NAA40: variants seen among roughly 807,000 people sequenced by gnomAD.
NAA40 encodes the protein N-alpha-acetyltransferase 40.
In NAA40, 26 loss-of-function variants were observed where a neutral mutation model predicts 36.6. The ratio of observed to expected loss-of-function variants is 0.71; its 90% CI spans 0.52 to 0.98. NAA40 has a LOEUF of 0.98. Among genes scored for constraint, NAA40 ranks in the 50% least tolerant of loss-of-function variants. The probability of loss-of-function intolerance (pLI) is 0.00; values close to 1 mark genes in which losing one functional copy is unlikely to be tolerated. For synonymous variants in NAA40, 129 were observed against 108.4 expected (o/e 1.19, Z -1.18); for missense variants, 237 against 306.5 (o/e 0.77, Z 1.69).
rs543980669 is a variant in NAA40 at position 63,944,678 on chromosome 11, G to A, written c.7-1162G>A. Among the ~76,000 whole-genome samples the A allele has an allele frequency of 6.0e-4, 91 of 152,166 alleles. 2 individuals are homozygous for A. The highest frequency in any genetic ancestry group is 2.1e-3 in the African/African-American group (89 of 41,512). On this transcript the variant is annotated intron_variant, in intron 1 of 7. Transcript: ENST00000377793. ...AGCACTTTGTGAGGCTGAGGCAGGC[G>A]GATTACTTGAGGTCAGGAGTTAGTG...
At chr11:63,948,812 G>A (rs975047954) in intron 3 of NAA40, among the ~76,000 whole-genome samples, 2 of 152,030 alleles carry the variant, frequency 1.3e-5, no homozygotes, top group East Asian at 1.9e-4. Flanking sequence ...CTCCCACCTC[G>A]GCCTCCTAAA....
intron 7 of NAA40, 46 bp from the exon 8 acceptor site, chr11:63,954,292 C>T (rs1942328110): frequency 6.5e-7 from 1 of 1,546,936 alleles, no homozygotes; most frequent in Non-Finnish European, 8.7e-7. Context: ...GGGAGGAAGG[C>T]ACTCAGCTGC....
intron 1 of NAA40, among the ~76,000 whole-genome samples, chr11:63,944,814 A>G (rs141071830): frequency 2.3e-4 from 35 of 151,802 alleles, no homozygotes; most frequent in African/African-American, 8.0e-4. Flanking sequence ...GAGGCAGGAG[A>G]ATCGCTTGAA....
intron 6 of NAA40, among the ~76,000 whole-genome samples, chr11:63,953,074 G>GTTTTT (rs1942308373): frequency 8.1e-6 from 1 of 123,140 alleles, no homozygotes; most frequent in African/African-American, 3.0e-5. Flanking sequence ...TTGAGACAGA[G>GTTTTT]TTTCACTCTT....
At chr11:63,952,171 G>A (rs1052327733) in intron 3 of NAA40, 67 bp from the exon 4 acceptor site, 1 of 1,248,718 alleles carries the variant, frequency 8.0e-7, no homozygotes, top group African/African-American at 1.5e-5. Context: ...TGATTCTGAG[G>A]GAGGAACAGC....
At chr11:63,940,164 C>T (rs1942085597) in intron 1 of NAA40, among the ~76,000 whole-genome samples, 1 of 150,828 alleles carries the variant, frequency 6.6e-6, no homozygotes, top group African/African-American at 2.4e-5. Context: ...GGTTCTCCTG[C>T]CTCAGCCTCC....
intron 1 of NAA40, chr11:63,939,388 T>G: frequency 2.7e-5 from 32 of 1,175,632 alleles, no homozygotes; most frequent in Middle Eastern, 3.4e-4. Flanking sequence ...CCCACCACCG[T>G]CCCCCGCGGG....
At chr11:63,951,395 G>C (rs187458249) in intron 3 of NAA40, among the ~76,000 whole-genome samples, 99 of 152,236 alleles carry the variant, frequency 6.5e-4, no homozygotes, top group Middle Eastern at 3.4e-3. Flanking sequence ...CCAGGCTGTA[G>C]TGCAATGGCA....
chr11:63,946,497 G>A lies in NAA40; in HGVS notation c.103-454G>A, dbSNP rs182180215. 165 of 1,129,712 alleles carry A rather than the reference G, an allele frequency of 1.5e-4. No homozygotes were observed. The African/African-American group carries it at 2.6e-3, about 18-fold the overall frequency. The allele number at this position is 1,129,712 out of a possible 1,614,324, so 70.0% of individuals were successfully genotyped here. On this transcript the variant is annotated intron_variant, in intron 2 of 7. Coordinates refer to ENST00000377793, the MANE Select transcript of NAA40 (RefSeq NM_024771.4). Reference sequence around the variant, plus strand: ...TGGGATTACAGGCGTGAGCCACAGTGCCCAGCCCCTGCCTCCATTTAGTAT... The same window carrying A: ...TGGGATTACAGGCGTGAGCCACAGTACCCAGCCCCTGCCTCCATTTAGTAT...
chr11:63,939,073 A>C lies in NAA40; in HGVS notation c.-24A>C, dbSNP rs752188435. The C allele has an allele frequency of 1.7e-5, 28 of 1,603,902 alleles. No homozygotes were observed. The highest frequency in any genetic ancestry group is 1.5e-4 in the Admixed American group (9 of 59,564). On this transcript the variant is annotated 5_prime_UTR_variant, in exon 1 of 8. Transcript: ENST00000377793. Reference sequence around the variant, plus strand: ...CCCTGCCGGCAAGTGTGTGAAGAAGAAGCTGAGCGTTGTCGCCGCCGCTAT... The same window carrying C: ...CCCTGCCGGCAAGTGTGTGAAGAAGCAGCTGAGCGTTGTCGCCGCCGCTAT...
At chr11:63,952,131 G>A in intron 3 of NAA40, 107 bp from the exon 4 acceptor site, 1 of 838,684 alleles carries the variant, frequency 1.2e-6, no homozygotes, top group South Asian at 1.7e-5. Context: ...TTTTCTCTGT[G>A]CAGTAACTGA....
Position 63,955,177 on chromosome 11 carries a change from G to T in NAA40, c.*698G>T, listed in dbSNP as rs1417400935. On this transcript the variant is annotated 3_prime_UTR_variant, in exon 8 of 8. Transcript: ENST00000377793. ...CAACAATGAGGTGTTCTTGGGACCC[G>T]CCATGGGGATGATTGCTTCTCTAGG... 1.3e-5 allele frequency: 2 copies of T among 152,552 alleles called. No individual in the cohort carries two copies. Among genetic ancestry groups the T allele is most frequent in the Admixed American group, 1.3e-4 (2 of 15,248 alleles). The allele number at this position is 152,552 out of a possible 1,614,324, so 9.4% of individuals were successfully genotyped here. A position where few individuals can be genotyped will look rare whatever the true frequency, so the allele number is the denominator to read the frequency against.
intron 2 of NAA40, chr11:63,946,259 G>A: frequency 3.3e-6 from 1 of 300,032 alleles, no homozygotes; most frequent in Non-Finnish European, 6.4e-6. Flanking sequence ...AGGCTGGAAT[G>A]CAGTGGCACT....
At chr11:63,946,709 C>T (rs1942192274) in intron 2 of NAA40, 4 of 1,512,982 alleles carry the variant, frequency 2.6e-6, no homozygotes, top group African/African-American at 2.8e-5. Flanking sequence ...AATGAGGTCT[C>T]CTCTTGCCCT....
chr11:63,939,080 G>C lies in NAA40; in HGVS notation c.-17G>C. 6.2e-7 allele frequency: 1 copy of C among 1,605,042 alleles called. No homozygotes were observed. Among genetic ancestry groups the C allele is most frequent in the East Asian group, 2.3e-5 (1 of 43,252 alleles). On this transcript the variant is annotated 5_prime_UTR_variant, in exon 1 of 8. Transcript: ENST00000377793. ...GGCAAGTGTGTGAAGAAGAAGCTGA[G>C]CGTTGTCGCCGCCGCTATGGGGGTG...
At chr11:63,946,222 G>A (rs1238837669) in intron 2 of NAA40, 3 of 381,964 alleles carry the variant, frequency 7.9e-6, no homozygotes, top group Non-Finnish European at 1.5e-5. Context: ...TTTCTTTTGT[G>A]TGAGACAGGG....
At chr11:63,942,405 C>T (rs938964942) in intron 1 of NAA40, among the ~76,000 whole-genome samples, 7 of 152,090 alleles carry the variant, frequency 4.6e-5, no homozygotes, top group Non-Finnish European at 1.5e-5. Context: ...ACATTGCGAG[C>T]CCCATTTTAT....
intron 3 of NAA40, among the ~76,000 whole-genome samples, chr11:63,948,679 T>C (rs1162589649): frequency 6.6e-6 from 1 of 151,932 alleles, no homozygotes; most frequent in Non-Finnish European, 1.5e-5. Context: ...GATTGCGCCA[T>C]TGCACTCCAG....
intron 7 of NAA40, 83 bp from the exon 8 acceptor site, chr11:63,954,255 G>A (rs969098498): frequency 1.3e-6 from 2 of 1,514,500 alleles, no homozygotes; most frequent in Non-Finnish European, 1.8e-6. Flanking sequence ...TCTCATCAGT[G>A]TGGCTGGTAG....
Sources: allele counts gnomAD v4.1 joint callset (sites outside exome capture counted in the v4.1 genomes callset), GRCh38; gene constraint gnomAD v4.1.1; transcripts MANE v1.5; gene names NCBI Gene and HGNC (gene_info 2026-07-23, HGNC 2026-07-21).